Variants in CCDC73 observed in about 807,000 individuals in gnomAD.
The protein encoded by CCDC73 is coiled-coil domain containing 73.
Under a neutral mutation model 116.5 loss-of-function variants are expected in CCDC73, and 95 were observed. The ratio of observed to expected loss-of-function variants is 0.82; its 90% CI spans 0.69 to 0.97. The LOEUF (loss-of-function observed/expected upper bound fraction) is 0.97. CCDC73 is among the 50% of genes least tolerant of loss of function. The pLI is 0.00. For synonymous variants in CCDC73, 398 were observed against 401.3 expected (o/e 0.99, Z 0.10); for missense variants, 1,066 against 1,206.8 (o/e 0.88, Z 1.73).
intron 6 of CCDC73, among the ~76,000 whole-genome samples, chr11:32,684,624 TTTAAAG>T (rs1856177289): frequency 1.3e-5 from 2 of 152,198 alleles, no homozygotes; most frequent in South Asian, 2.1e-4. Flanking sequence ...TATCTAGACT[TTTAAAG>T]TTATTCTTTT....
At chr11:32,652,172 T>C (rs1369500422) in intron 12 of CCDC73, among the ~76,000 whole-genome samples, 2 of 151,988 alleles carry the variant, frequency 1.3e-5, no homozygotes, top group East Asian at 3.9e-4. Context: ...GCTGTGGTAG[T>C]GGGCACCTGT....
In CCDC73 at chr11:32,636,904, ATC is replaced by A. The variant is rs1311828665; in HGVS notation, c.1051-1076_1051-1075del. Among the ~76,000 whole-genome samples, 11 of 150,718 alleles carry A rather than the reference ATC, an allele frequency of 7.3e-5. 1 individual carries two copies. The highest frequency in any genetic ancestry group is 4.6e-4 in the Admixed American group (7 of 15,118). ...TTCTCTTTTCTTCTTCCTATTCTCA[ATC>A]TCTCACACTACACCAGCATCTTCTC... On this transcript the variant is annotated intron_variant, in intron 13 of 17. Coordinates refer to ENST00000335185, the MANE Select transcript of CCDC73 (RefSeq NM_001008391.4).
intron 2 of CCDC73, among the ~76,000 whole-genome samples, chr11:32,734,169 T>C (rs902762432): frequency 6.6e-6 from 1 of 152,136 alleles, no homozygotes; most frequent in Non-Finnish European, 1.5e-5. Context: ...CTAGAAAATC[T>C]AGAAGAAATG....
At chr11:32,685,641 G>A (rs1207555235) in intron 6 of CCDC73, among the ~76,000 whole-genome samples, 1 of 151,710 alleles carries the variant, frequency 6.6e-6, no homozygotes, top group African/African-American at 2.4e-5. Context: ...TGTGTGATAT[G>A]GATTTGGTTT....
At chr11:32,790,080 G>A (rs1361349245) in intron 1 of CCDC73, among the ~76,000 whole-genome samples, 1 of 152,168 alleles carries the variant, frequency 6.6e-6, no homozygotes, top group Non-Finnish European at 1.5e-5. Context: ...GTAGTGTAGG[G>A]AGATTGAAGT....
intron 1 of CCDC73, among the ~76,000 whole-genome samples, chr11:32,782,322 A>T (rs1850591280): frequency 6.6e-6 from 1 of 152,210 alleles, no homozygotes; most frequent in Non-Finnish European, 1.5e-5. Flanking sequence ...GTCTGTGGAA[A>T]AATTGTCTTC....
rs753534248 is a variant in CCDC73, at chr11:32,654,889, T to G, written c.729A>C (p.Thr243=). 2 of 1,600,588 alleles carry G rather than the reference T, an allele frequency of 1.2e-6. No homozygotes were observed. Among genetic ancestry groups the G allele is most frequent in the Admixed American group, 3.5e-5 (2 of 57,442 alleles). The part of the protein sequence containing the change: ...YKMGEENINL[T]IKEQKFQELQ... The stretch of plus-strand genomic sequence containing the variant: ...GTTCTTGAAATTTTTGTTCTTTAAT[T>G]GTTAGATTGATGTTTTCTTCTCCCA... Residue 243 remains threonine, a synonymous_variant, in exon 10 of 18, where the codon ACA becomes ACC. Transcript: ENST00000335185.
chr11:32,645,480 G>A (rs1011682548), intron 12 of CCDC73, among the ~76,000 whole-genome samples: 1 of 151,606 alleles, frequency 6.6e-6, no homozygotes. Flanking sequence ...TAGTAGAGAC[G>A]GGGTTTCACC....
intron 14 of CCDC73, among the ~76,000 whole-genome samples, chr11:32,632,680 CTG>C (rs916704583): frequency 6.6e-6 from 1 of 152,004 alleles, no homozygotes; most frequent in African/African-American, 2.4e-5. Flanking sequence ...TTCATTATAA[CTG>C]TGAATTTATC....
At chr11:32,813,373 C>G in the CCDC73 span, among the ~76,000 whole-genome samples, 2 of 152,074 alleles carry the variant, frequency 1.3e-5, no homozygotes, top group Non-Finnish European at 2.9e-5. Context: ...CCTCCCCCCT[C>G]AGCCTTCTGA....
Position 32,661,206 on chromosome 11 carries a change from G to A in CCDC73, c.646-6234C>T, listed in dbSNP as rs149558797. On this transcript the variant is annotated intron_variant, in intron 9 of 17. Coordinates refer to ENST00000335185, the MANE Select transcript of CCDC73 (RefSeq NM_001008391.4). ...TCTGCAGAGTGAAGGAATATAAGGA[G>A]CTGGTAGTTTAGGAGCATGAATTGT... Among the ~76,000 whole-genome samples the A allele has an allele frequency of 5.7e-3, 874 of 152,196 alleles. 7 individuals are homozygous for A. Among genetic ancestry groups the A allele is most frequent in the African/African-American group, 0.02 (842 of 41,510 alleles).
intron 1 of CCDC73, among the ~76,000 whole-genome samples, chr11:32,784,329 CA>C (rs36029585): frequency 0.58 from 82,768 of 141,672 alleles, 23,304 homozygotes; most frequent in East Asian, 0.84. Context: ...AAGTCCGTCT[CA>C]AAAAAAAAAA....
chr11:32,694,078 G>A (rs1856287078), intron 6 of CCDC73, among the ~76,000 whole-genome samples: 1 of 152,322 alleles, frequency 6.6e-6, no homozygotes, highest in Middle Eastern at 3.4e-3. Flanking sequence ...AATCAGGCAA[G>A]AGAAAGAAAT....
chr11:32,736,820 A>G (rs974397522), intron 2 of CCDC73, among the ~76,000 whole-genome samples: 1 of 151,922 alleles, frequency 6.6e-6, no homozygotes, highest in Non-Finnish European at 1.5e-5. Flanking sequence ...ACCATGGAAT[A>G]CTATGCAGCC....
intron 12 of CCDC73, among the ~76,000 whole-genome samples, chr11:32,646,308 G>A (rs1200079106): frequency 6.6e-6 from 1 of 152,094 alleles, no homozygotes; most frequent in Admixed American, 6.5e-5. Flanking sequence ...GTTCTGTCAT[G>A]AGTCTCCTGT....
intron 9 of CCDC73, among the ~76,000 whole-genome samples, chr11:32,668,035 T>A (rs1261406181): frequency 1.3e-5 from 2 of 152,178 alleles, no homozygotes; most frequent in African/African-American, 4.8e-5. Context: ...AAGTTCCTCA[T>A]CTATAAAATG....
rs369742761 is a variant in CCDC73, at chr11:32,603,025, G to T, written c.3031-5C>A. 5 of 1,583,264 alleles carry T rather than the reference G, an allele frequency of 3.2e-6. No homozygotes were observed. The African/African-American group carries it at 4.1e-5, about 13-fold the overall frequency. On this transcript the variant is annotated splice_polypyrimidine_tract_variant and splice_region_variant and intron_variant, in intron 17 of 17. Transcript: ENST00000335185. ...TATCAGAGGCTTTGTTTTCACCTGGGAAAGATAAACTAATTTTACCTTCGA... is the reference window on the plus strand; with the variant it reads ...TATCAGAGGCTTTGTTTTCACCTGGTAAAGATAAACTAATTTTACCTTCGA...
At chr11:32,705,643 C>T (rs1250069823) in intron 3 of CCDC73, among the ~76,000 whole-genome samples, 1 of 152,116 alleles carries the variant, frequency 6.6e-6, no homozygotes, top group Non-Finnish European at 1.5e-5. Flanking sequence ...ACAAGTCCAG[C>T]GGGTGCGAGC....
intron 2 of CCDC73, among the ~76,000 whole-genome samples, chr11:32,744,025 TATG>T (rs1314934517): frequency 6.6e-6 from 1 of 152,228 alleles, no homozygotes; most frequent in Non-Finnish European, 1.5e-5. Context: ...GCCCATTCAG[TATG>T]ATATTGGCTG....
Sources: gnomAD v4.1 joint callset for allele counts (sites outside exome capture counted in the v4.1 genomes callset) on GRCh38, gnomAD v4.1.1 for gene constraint, MANE v1.5 for transcripts, NCBI Gene and HGNC (gene_info 2026-07-23, HGNC 2026-07-21) for gene names.